Variants in UIMC1 observed in about 807,000 individuals in gnomAD.
UIMC1 encodes ubiquitin interaction motif containing 1.
UIMC1 carries 42 observed loss-of-function variants against 84.9 expected under a neutral mutation model. That is an observed-to-expected ratio of 0.49 (90% CI 0.39 to 0.64). The LOEUF is 0.64. Among genes scored for constraint, UIMC1 ranks in the 30% least tolerant of loss-of-function variants. The probability of loss-of-function intolerance (pLI) is 0.00; values close to 1 mark genes in which losing one functional copy is unlikely to be tolerated. For missense variants in UIMC1, 825 were observed against 847.6 expected, an observed-to-expected ratio of 0.97 and a Z score of 0.33; for synonymous variants, 281 against 293.0, an observed-to-expected ratio of 0.96 and a Z score of 0.42.
chr5:176,911,588 T>C (rs969811137), intron 10 of UIMC1, among the ~76,000 whole-genome samples, 199 bp from the exon 11 acceptor site: 1 of 152,182 alleles, frequency 6.6e-6, no homozygotes, highest in South Asian at 2.1e-4. Flanking sequence ...GTTTTGACAA[T>C]ATTCTGTCCG....
At chr5:177,022,487 G>A in exon 1 of UIMC1, 1 of 482,206 alleles carries the variant, frequency 2.1e-6, no homozygotes, top group Admixed American at 4.0e-5. Flanking sequence ...AGAGCCATGA[G>A]CCAAAACCAC....
chr5:176,915,704 G>A (rs779962690), intron 10 of UIMC1, among the ~76,000 whole-genome samples: 23 of 146,550 alleles, frequency 1.6e-4, no homozygotes, highest in African/African-American at 3.8e-4. Flanking sequence ...TCCACCCACC[G>A]CAGCCTCCCA....
intron 10 of UIMC1, among the ~76,000 whole-genome samples, chr5:176,922,699 G>A (rs934295928): frequency 2.0e-5 from 3 of 152,110 alleles, no homozygotes; most frequent in Non-Finnish European, 2.9e-5. Context: ...TTCTGATGAC[G>A]TTTTTAGAGT....
chr5:177,014,197 C>G (rs147374700), intron 1 of UIMC1, among the ~76,000 whole-genome samples: 1 of 151,532 alleles, frequency 6.6e-6, no homozygotes, highest in Non-Finnish European at 1.5e-5. Flanking sequence ...GGATTACAGG[C>G]GTGCAACACC....
rs969422647 is a variant in UIMC1 at position 176,969,041 on chromosome 5, C to T, written c.714G>A (p.Gly238=). The T allele has an allele frequency of 3.1e-6, 5 of 1,614,080 alleles. No individual in the cohort carries two copies. The highest frequency in any genetic ancestry group is 4.2e-6 in the Non-Finnish European group (5 of 1,180,044). Residue 238 remains glycine, a synonymous_variant, in exon 6 of 15, where the codon GGG becomes GGA. Transcript: ENST00000511320. ...CAGCTTTGAGAAAAGCAGAACCCCT[C>T]CCAGTACTTTCCTGTGGCTTCCCAC... is the stretch of plus-strand genomic sequence containing the variant. ...TQCGKPQEST[G]RGSAFLKAVQ...
At chr5:176,997,219 T>C (rs1245783954) in intron 1 of UIMC1, among the ~76,000 whole-genome samples, 1 of 152,112 alleles carries the variant, frequency 6.6e-6, no homozygotes, top group Non-Finnish European at 1.5e-5. Flanking sequence ...CTTTAAGCTC[T>C]CCATTTCTTT....
At chr5:176,943,609 A>T in intron 9 of UIMC1, 121 bp from the exon 10 acceptor site, 4 of 1,240,964 alleles carry the variant, frequency 3.2e-6, no homozygotes, top group Middle Eastern at 2.8e-4. Flanking sequence ...CAGCTTATCA[A>T]ATTCAGGAGT....
At chr5:176,931,887 T>C (rs1763128221) in intron 10 of UIMC1, among the ~76,000 whole-genome samples, 1 of 152,008 alleles carries the variant, frequency 6.6e-6, no homozygotes, top group Non-Finnish European at 1.5e-5. Flanking sequence ...GGGAGAGAAC[T>C]GCTTAAACCG....
In UIMC1 at chr5:176,982,394, C is replaced by T. The variant is rs144812521; in HGVS notation, c.147+75G>A. 616 of 1,519,908 alleles carry T rather than the reference C, an allele frequency of 4.1e-4. 5 individuals carry two copies. In the African/African-American group the frequency reaches 7.1e-3, roughly 18 times the overall value. The allele number at this position is 1,519,908 out of a possible 1,614,324, so 94.2% of individuals were successfully genotyped here. ...GCTGGCATTAAGGTGAAGTCAGTCA[C>T]GAAACAAACTCCCCATGGGTAAAGA... On this transcript the variant is annotated intron_variant, in intron 2 of 14. Transcript: ENST00000511320.
chr5:176,942,879 AC>A (rs1197564218), intron 10 of UIMC1, among the ~76,000 whole-genome samples: 32 of 151,720 alleles, frequency 2.1e-4, no homozygotes, highest in African/African-American at 7.5e-4. Flanking sequence ...ACATGGCGAA[AC>A]CCTGTCTCTA....
chr5:176,957,140 T>C (rs1458816850), intron 7 of UIMC1, among the ~76,000 whole-genome samples: 1 of 152,176 alleles, frequency 6.6e-6, no homozygotes, highest in Non-Finnish European at 1.5e-5. Context: ...AGTAAAGGCA[T>C]ACTCTGTTAA....
At chr5:176,980,244 A>T (rs1770798204) in intron 2 of UIMC1, 1 of 152,124 alleles carries the variant, frequency 6.6e-6, no homozygotes, top group Non-Finnish European at 1.5e-5. Flanking sequence ...CAATTCCCCT[A>T]ATAAATTCCA....
chr5:176,967,921 A>T (rs532407002), intron 6 of UIMC1, among the ~76,000 whole-genome samples: 4 of 146,714 alleles, frequency 2.7e-5, no homozygotes, highest in South Asian at 2.1e-4. Flanking sequence ...AAAAAAAAAA[A>T]TTTATACAAA....
rs767934185 is a variant in UIMC1 at position 176,975,477 on chromosome 5, G to A, written c.151C>T (p.Pro51Ser). 1.9e-6 allele frequency: 3 copies of A among 1,613,832 alleles called. No homozygotes were observed. Among genetic ancestry groups the A allele is most frequent in the South Asian group, 1.1e-5 (1 of 91,058 alleles). Residue 51 changes from proline (P) to serine (S), a missense_variant, in exon 3 of 15, where the codon CCA becomes TCA. Coordinates refer to ENST00000511320, the MANE Select transcript of UIMC1 (RefSeq NM_001199298.2). ...IVISDSDGEE[P>S]KEENGLQKTK... ...TTCTGCAACCCATTTTCCTCCTTTG[G>A]TTCCTGTTGCAAAACAAGAAATATC...
intron 9 of UIMC1, 129 bp from the exon 10 acceptor site, chr5:176,943,617 A>T: frequency 8.4e-7 from 1 of 1,196,420 alleles, no homozygotes; most frequent in Non-Finnish European, 1.2e-6. Flanking sequence ...CAAATTCAGG[A>T]GTAAAGATTG....
intron 8 of UIMC1, among the ~76,000 whole-genome samples, chr5:176,952,933 G>A (rs887749679): frequency 1.5e-4 from 23 of 152,180 alleles, no homozygotes; most frequent in Admixed American, 1.4e-3. Context: ...GAATGTTTGT[G>A]TACCCCCCGA....
chr5:176,922,115 C>T (rs1761782177), intron 10 of UIMC1, among the ~76,000 whole-genome samples: 1 of 152,084 alleles, frequency 6.6e-6, no homozygotes, highest in Non-Finnish European at 1.5e-5. Context: ...CCCCTTTTTC[C>T]TCTGTTCTAG....
chr5:176,954,007 T>C (rs1325253122), intron 8 of UIMC1, among the ~76,000 whole-genome samples: 1 of 152,188 alleles, frequency 6.6e-6, no homozygotes, highest in Non-Finnish European at 1.5e-5. Flanking sequence ...TTATACTTTC[T>C]TAGCAAAAGG....
intron 6 of UIMC1, among the ~76,000 whole-genome samples, chr5:176,967,920 A>T (rs565350238): frequency 6.6e-6 from 1 of 151,664 alleles, no homozygotes; most frequent in East Asian, 1.9e-4. Context: ...AAAAAAAAAA[A>T]ATTTATACAA....
Sources: allele counts gnomAD v4.1 joint callset (sites outside exome capture counted in the v4.1 genomes callset), GRCh38; gene constraint gnomAD v4.1.1; transcripts MANE v1.5; gene names NCBI Gene and HGNC (gene_info 2026-07-23, HGNC 2026-07-21).